Variants in CIT observed in about 807,000 individuals in gnomAD.
CIT encodes citron Rho-interacting kinase.
CIT carries 79 observed loss-of-function variants against 272.7 expected under a neutral mutation model. The ratio of observed to expected loss-of-function variants is 0.29; its 90% CI spans 0.24 to 0.35. The LOEUF (loss-of-function observed/expected upper bound fraction) is 0.35. CIT is among the 10% of genes least tolerant of loss of function. The pLI is 1.00. For synonymous variants in CIT, 948 were observed against 995.6 expected (o/e 0.95, Z 0.90); for missense variants, 1,909 against 2,618.3 (o/e 0.73, Z 5.91).
intron 29 of CIT, 56 bp from the exon 30 acceptor site, chr12:119,720,641 G>C: frequency 3.8e-6 from 5 of 1,323,128 alleles, no homozygotes; most frequent in Non-Finnish European, 5.2e-6. Flanking sequence ...TACTTTTAAA[G>C]TTGGTACTTT....
At chr12:119,788,651 C>T (rs1464209258) in intron 10 of CIT, among the ~76,000 whole-genome samples, 1 of 152,088 alleles carries the variant, frequency 6.6e-6, no homozygotes, top group Non-Finnish European at 1.5e-5. Flanking sequence ...AAACAGATTG[C>T]TTTTTCACCC....
At chr12:119,727,154 A>G (rs1958160143) in intron 28 of CIT, among the ~76,000 whole-genome samples, 1 of 152,196 alleles carries the variant, frequency 6.6e-6, no homozygotes, top group South Asian at 2.1e-4. Context: ...CACACTTACT[A>G]TGTGCTTGAC....
Position 119,742,574 on chromosome 12 carries a change from C to T in CIT, c.2905-110G>A, listed in dbSNP as rs1959111472. ...TTTGCCTGGAAAGCCGAGAATGCGG[C>T]ACCAGCATCTGTTTTTCTAAGAACT... On this transcript the variant is annotated intron_variant, in intron 23 of 47. Transcript: ENST00000392521. The T allele has an allele frequency of 4.5e-6, 3 of 672,560 alleles. No individual in the cohort carries two copies. In the South Asian group the frequency reaches 6.4e-5, roughly 14 times the overall value. The allele number at this position is 672,560 out of a possible 1,614,324, so 41.7% of individuals were successfully genotyped here.
At chr12:119,868,428 C>A (rs1458399803) in intron 3 of CIT, among the ~76,000 whole-genome samples, 1 of 152,086 alleles carries the variant, frequency 6.6e-6, no homozygotes, top group Non-Finnish European at 1.5e-5. Context: ...GAAAGTCAGC[C>A]CTGAGTGAGT....
At chr12:119,792,600 GT>G (rs1965398653) in intron 10 of CIT, among the ~76,000 whole-genome samples, 1 of 152,022 alleles carries the variant, frequency 6.6e-6, no homozygotes, top group Non-Finnish European at 1.5e-5. Flanking sequence ...CTCCGGAGTA[GT>G]TGGGACTACA....
chr12:119,770,261 AAATAAT>A lies in CIT; in HGVS notation c.2208+518_2208+523del, dbSNP rs562704541. Among the ~76,000 whole-genome samples the A allele has an allele frequency of 1.8e-4, 27 of 152,240 alleles. No homozygotes were observed. The East Asian group carries it at 4.2e-3, about 24-fold the overall frequency. On this transcript the variant is annotated intron_variant, in intron 18 of 47. Coordinates refer to ENST00000392521, the MANE Select transcript of CIT (RefSeq NM_001206999.2). This position sits in a 1 kb window ranked among gnomAD's most constrained non-coding sequence, Gnocchi z 4.4. ...CCTGCTATATCTAAGGAAATTGAAA[AAATAAT>A]AATAATAATAACCAACTGTAGCAGA...
At chr12:119,834,827 A>T (rs1278016126) in intron 5 of CIT, among the ~76,000 whole-genome samples, 1 of 152,234 alleles carries the variant, frequency 6.6e-6, no homozygotes, top group Non-Finnish European at 1.5e-5. Flanking sequence ...TGTTTGTAAC[A>T]GGGGAAAAAA....
chr12:119,764,300 C>G (rs955298779), intron 19 of CIT, among the ~76,000 whole-genome samples: 1 of 152,126 alleles, frequency 6.6e-6, no homozygotes, highest in East Asian at 1.9e-4. Flanking sequence ...GATAAAATAA[C>G]TATGCTCAGT....
rs913294842 is a variant in CIT at position 119,784,863 on chromosome 12, C to T, written c.1401+97G>A. On this transcript the variant is annotated intron_variant, in intron 11 of 47. Transcript: ENST00000392521. This position sits in a 1 kb window ranked among gnomAD's most constrained non-coding sequence, Gnocchi z 4.7. ...AGCGCCTCACTCTCTACGGATCAGG[C>T]GGCTCAGAGCCAGCAGCGGCCCCGG... 2.6e-6 allele frequency: 4 copies of T among 1,517,892 alleles called. No individual in the cohort carries two copies. The highest frequency in any genetic ancestry group is 2.8e-5 in the African/African-American group (2 of 72,492). The allele number at this position is 1,517,892 out of a possible 1,614,324, so 94.0% of individuals were successfully genotyped here.
chr12:119,825,505 G>T, intron 7 of CIT, 137 bp from the exon 8 acceptor site: 1 of 703,416 alleles, frequency 1.4e-6, no homozygotes, highest in Non-Finnish European at 2.3e-6. Context: ...CTGTCAAGTG[G>T]CACACTGTCA....
chr12:119,752,255 A>C lies in CIT; in HGVS notation c.2707-8T>G. The C allele has an allele frequency of 1.2e-6, 1 of 867,638 alleles. No homozygotes were observed. Among genetic ancestry groups the C allele is most frequent in the Non-Finnish European group, 1.6e-6 (1 of 642,526 alleles). The allele number at this position is 867,638 out of a possible 1,614,324, so 53.7% of individuals were successfully genotyped here. Reference sequence around the variant, plus strand: ...CTCGTGCTCTAGACTGACCTGAGACAGAGAGAGAGAGAGAAAGAGAGATAA... The same window carrying C: ...CTCGTGCTCTAGACTGACCTGAGACCGAGAGAGAGAGAGAAAGAGAGATAA... On this transcript the variant is annotated splice_polypyrimidine_tract_variant and splice_region_variant and intron_variant, in intron 22 of 47. Transcript: ENST00000392521.
intron 9 of CIT, among the ~76,000 whole-genome samples, chr12:119,809,318 C>T (rs1966769616): frequency 6.6e-6 from 1 of 151,960 alleles, no homozygotes; most frequent in Non-Finnish European, 1.5e-5. Flanking sequence ...AAAGACAAGT[C>T]TACAATAGTC....
In CIT at chr12:119,718,370, G is replaced by A. The variant is rs139699922; in HGVS notation, c.4043C>T (p.Thr1348Met). ...RKATDHPHPS[T>M]PATARQQIAM... ...GATCTGCTGCCTCGCGGTGGCTGGC[G>A]TGGATGGGTGTGGGTGGTCCGTTGC... is the stretch of plus-strand genomic sequence containing the variant. The change falls in exon 32 of 48, where the codon ACG becomes ATG. Residue 1348 changes from threonine to methionine, a missense_variant. Coordinates refer to ENST00000392521, the MANE Select transcript of CIT (RefSeq NM_001206999.2). The surrounding 1 kb of genome is among the most constrained non-coding windows in gnomAD (Gnocchi z 4.8). The A allele has an allele frequency of 6.8e-5, 109 of 1,613,744 alleles. No individual in the cohort carries two copies. Among genetic ancestry groups the A allele is most frequent in the Non-Finnish European group, 8.6e-5 (101 of 1,179,926 alleles).
In CIT at chr12:119,832,840, G is replaced by A. The variant is rs370664738; in HGVS notation, c.684C>T (p.Leu228=). 115 of 1,613,806 alleles carry A rather than the reference G, an allele frequency of 7.1e-5. No homozygotes were observed. The highest frequency in any genetic ancestry group is 2.0e-4 in the South Asian group (18 of 91,070). ...GCTTGATGTGTCCTGTGCGGTCAAC[G>A]AGAATGTTCTCAGGCTTGATGTCTC... The part of the protein sequence containing the change: ...VHRDIKPENI[L]VDRTGHIKLV... The change falls in exon 7 of 48, where the codon CTC becomes CTT. Residue 228 remains leucine, a synonymous_variant. Transcript: ENST00000392521.
At chr12:119,858,937 T>C (rs772832131) in intron 3 of CIT, among the ~76,000 whole-genome samples, 3 of 152,180 alleles carry the variant, frequency 2.0e-5, no homozygotes, top group Non-Finnish European at 4.4e-5. Flanking sequence ...TTTGCAACTA[T>C]AGTTTTCTTA....
chr12:119,757,052 G>A (rs1475335009), intron 22 of CIT, among the ~76,000 whole-genome samples: 5 of 151,690 alleles, frequency 3.3e-5, no homozygotes, highest in Middle Eastern at 3.4e-3. Flanking sequence ...CCCAGGAGGC[G>A]GAGGCTGCAG....
In CIT at chr12:119,713,366, G is replaced by C. The variant is rs7136842; in HGVS notation, c.4488-72C>G. The C allele has an allele frequency of 0.03, 47,039 of 1,580,754 alleles. 3,582 individuals carry two copies. The highest frequency in any genetic ancestry group is 0.29 in the African/African-American group (21,661 of 73,934). ...ACATCCGGCTGGAGGATAGGATGAG[G>C]GGGTGGCAGAGTTCCTAGAAAAGAC... is the stretch of plus-strand genomic sequence containing the variant. On this transcript the variant is annotated intron_variant, in intron 34 of 47. Coordinates refer to ENST00000392521, the MANE Select transcript of CIT (RefSeq NM_001206999.2). The surrounding 1 kb of genome is among the most constrained non-coding windows in gnomAD (Gnocchi z 5.2).
intron 10 of CIT, 23 bp from the exon 11 acceptor site, chr12:119,785,088 C>T (rs1406395499): frequency 1.2e-6 from 2 of 1,611,902 alleles, no homozygotes; most frequent in Admixed American, 3.4e-5. Flanking sequence ...AAACCAACGT[C>T]AAGGGGGCCT....
chr12:119,801,947 C>T (rs1479079001), intron 10 of CIT, among the ~76,000 whole-genome samples: 1 of 152,110 alleles, frequency 6.6e-6, no homozygotes, highest in Non-Finnish European at 1.5e-5. Flanking sequence ...TAAAAACCTC[C>T]CTCACATTCA....
Sources: allele counts gnomAD v4.1 joint callset (sites outside exome capture counted in the v4.1 genomes callset), GRCh38; gene constraint gnomAD v4.1.1; non-coding constraint Gnocchi (gnomAD v3.1); transcripts MANE v1.5; gene names NCBI Gene and HGNC (gene_info 2026-07-23, HGNC 2026-07-21).